The following SLC35F1 variants were observed in gnomAD, a reference collection of about 807,000 sequenced individuals.
SLC35F1 encodes the protein chromosome 6 open reading frame 169.
Under a neutral mutation model 48.7 loss-of-function variants are expected in SLC35F1, and 14 were observed. The ratio of observed to expected loss-of-function variants is 0.29; its 90% CI spans 0.19 to 0.45. SLC35F1 has a LOEUF of 0.45. Ranked by LOEUF, SLC35F1 falls within the 20% of genes least tolerant of loss-of-function variation. The probability of loss-of-function intolerance (pLI) is 1.00; values close to 1 mark genes in which losing one functional copy is unlikely to be tolerated. For missense variants in SLC35F1, 404 were observed against 500.0 expected (o/e 0.81, Z 1.83); for synonymous variants, 190 against 202.2 (o/e 0.94, Z 0.51).
chr6:118,234,758 A>G (rs1775341755), intron 2 of SLC35F1, among the ~76,000 whole-genome samples: 1 of 152,222 alleles, frequency 6.6e-6, no homozygotes, highest in Non-Finnish European at 1.5e-5. Context: ...TTGGCTACAG[A>G]GAATTATTAT....
At chr6:117,921,417 A>C (rs184550920) in intron 1 of SLC35F1, among the ~76,000 whole-genome samples, 2 of 152,246 alleles carry the variant, frequency 1.3e-5, no homozygotes, top group African/African-American at 4.8e-5. Flanking sequence ...AGGTGACAAT[A>C]AGTACTGTGA....
At position 117,929,766 on chromosome 6, in the gene SLC35F1, A is replaced by G. The variant is rs143075906; in HGVS notation, c.173+21867A>G. Among the ~76,000 whole-genome samples the G allele has an allele frequency of 3.8e-3, 575 of 152,304 alleles. 3 individuals are homozygous for G. Among genetic ancestry groups the G allele is most frequent in the African/African-American group, 0.013 (549 of 41,572 alleles). ...CTGATTGTAAAAGCTAATGACATCTATAAAATACCTTCATAGCAAACATCT... is the reference window on the plus strand; with the variant it reads ...CTGATTGTAAAAGCTAATGACATCTGTAAAATACCTTCATAGCAAACATCT... On this transcript the variant is annotated intron_variant, in intron 1 of 7. Transcript: ENST00000360388.
intron 1 of SLC35F1, among the ~76,000 whole-genome samples, chr6:118,097,460 G>A (rs1355733918): frequency 2.6e-5 from 4 of 152,050 alleles, no homozygotes; most frequent in Non-Finnish European, 5.9e-5. Context: ...TCCTTATTTT[G>A]AAGGAAGTTT....
chr6:118,043,480 G>A (rs1260308027), intron 1 of SLC35F1, among the ~76,000 whole-genome samples: 1 of 151,802 alleles, frequency 6.6e-6, no homozygotes, highest in African/African-American at 2.4e-5. Flanking sequence ...GCATGTAAAT[G>A]GTACCTTTTC....
At chr6:118,163,197 C>G (rs1319133031) in intron 2 of SLC35F1, among the ~76,000 whole-genome samples, 1 of 152,030 alleles carries the variant, frequency 6.6e-6, no homozygotes, top group African/African-American at 2.4e-5. Context: ...CTCCTGACCT[C>G]AAATGATCCA....
chr6:118,023,368 T>C (rs1777422755), intron 1 of SLC35F1, among the ~76,000 whole-genome samples: 1 of 152,106 alleles, frequency 6.6e-6, no homozygotes, highest in East Asian at 1.9e-4. Flanking sequence ...TGTGGCCCTG[T>C]GTGGCTCCAT....
chr6:117,949,003 T>C (rs1438680049), intron 1 of SLC35F1, among the ~76,000 whole-genome samples: 2 of 152,294 alleles, frequency 1.3e-5, no homozygotes, highest in East Asian at 3.9e-4. Context: ...TAACAGGAGC[T>C]GGATCATGAA....
intron 2 of SLC35F1, among the ~76,000 whole-genome samples, chr6:118,189,292 G>C (rs1032475120): frequency 6.6e-6 from 1 of 152,062 alleles, no homozygotes; most frequent in Non-Finnish European, 1.5e-5. Context: ...TTGTTTTCTT[G>C]ATAATAGCCA....
chr6:118,198,161 A>G (rs991546582), intron 2 of SLC35F1, among the ~76,000 whole-genome samples: 4 of 152,216 alleles, frequency 2.6e-5, no homozygotes, highest in Admixed American at 1.3e-4. Context: ...TTGGACTTCA[A>G]TCATGCAATC....
intron 1 of SLC35F1, among the ~76,000 whole-genome samples, chr6:118,109,176 G>T (rs1368395151): frequency 1.3e-5 from 2 of 152,170 alleles, no homozygotes. Context: ...AAATCTGAAT[G>T]TTTGAAGTAA....
chr6:117,962,711 G>A (rs954160123), intron 1 of SLC35F1, among the ~76,000 whole-genome samples: 2 of 152,206 alleles, frequency 1.3e-5, no homozygotes, highest in Admixed American at 1.3e-4. Context: ...GCAAGACTTA[G>A]GGTACTCCTG....
At chr6:118,254,695 G>C (rs774707743) in intron 3 of SLC35F1, among the ~76,000 whole-genome samples, 2 of 152,146 alleles carry the variant, frequency 1.3e-5, no homozygotes, top group Non-Finnish European at 2.9e-5. Flanking sequence ...AATGTGGAGA[G>C]GAATCAAAAG....
intron 1 of SLC35F1, among the ~76,000 whole-genome samples, chr6:118,008,120 A>G (rs557812374): frequency 1.3e-5 from 2 of 152,214 alleles, no homozygotes; most frequent in East Asian, 1.9e-4. Context: ...GTCTTCTATA[A>G]TCGTAAGCTA....
intron 1 of SLC35F1, among the ~76,000 whole-genome samples, chr6:118,110,237 C>A (rs543671595): frequency 6.6e-6 from 1 of 152,164 alleles, no homozygotes; most frequent in Non-Finnish European, 1.5e-5. Context: ...AAATCAACAA[C>A]CTTTACAGAG....
chr6:118,300,997 G>A (rs928748434), intron 7 of SLC35F1, among the ~76,000 whole-genome samples: 8 of 152,174 alleles, frequency 5.3e-5, no homozygotes, highest in Admixed American at 4.6e-4. Context: ...GGAGGTTTCC[G>A]TAGTTATGAA....
chr6:118,111,059 G>A lies in SLC35F1; in HGVS notation c.174-43386G>A, dbSNP rs142487370. Among the ~76,000 whole-genome samples, 1,006 of 152,188 alleles carry A rather than the reference G, an allele frequency of 6.6e-3. 8 individuals carry two copies. The highest frequency in any genetic ancestry group is 0.014 in the Middle Eastern group (4 of 294). ...ATAATTTTCTCCTCCCCCATAGTAA[G>A]GAGTTTTTCTCCCATCTTCATAGTA... On this transcript the variant is annotated intron_variant, in intron 1 of 7. Transcript: ENST00000360388.
intron 2 of SLC35F1, among the ~76,000 whole-genome samples, chr6:118,184,878 C>T (rs1774634953): frequency 6.6e-6 from 1 of 152,158 alleles, no homozygotes; most frequent in Non-Finnish European, 1.5e-5. Flanking sequence ...GATCTTGGGC[C>T]ATGATTCCAA....
intron 2 of SLC35F1, among the ~76,000 whole-genome samples, chr6:118,179,184 A>G (rs1422690396): frequency 2.6e-5 from 4 of 151,854 alleles, no homozygotes; most frequent in Non-Finnish European, 4.4e-5. Context: ...ATAAGAGACC[A>G]TATATATATA....
At chr6:118,162,798 G>GT (rs1774256910) in intron 2 of SLC35F1, among the ~76,000 whole-genome samples, 1 of 152,122 alleles carries the variant, frequency 6.6e-6, no homozygotes, top group South Asian at 2.1e-4. Flanking sequence ...TCAAGCTTAA[G>GT]TCCACCAAAC....
Sources: gnomAD v4.1 joint callset for allele counts (sites outside exome capture counted in the v4.1 genomes callset) on GRCh38, gnomAD v4.1.1 for gene constraint, MANE v1.5 for transcripts, NCBI Gene and HGNC (gene_info 2026-07-23, HGNC 2026-07-21) for gene names.